The following PTPRT variants were observed in gnomAD, a reference collection of about 807,000 sequenced individuals.
PTPRT encodes protein tyrosine phosphatase receptor type T, also known as receptor-type tyrosine-protein phosphatase T.
A neutral mutation model predicts 176.8 loss-of-function variants in PTPRT; 56 were observed. That is an observed-to-expected ratio of 0.32 (90% CI 0.26 to 0.40). The LOEUF is 0.40. Ranked by LOEUF, PTPRT falls within the 10% of genes least tolerant of loss-of-function variation. The pLI, the probability that PTPRT is intolerant of heterozygous loss-of-function variation, is 1.00. For missense variants in PTPRT, 1,540 were observed against 1,908.2 expected, an observed-to-expected ratio of 0.81 and a Z score of 3.60; for synonymous variants, 783 against 739.0, an observed-to-expected ratio of 1.06 and a Z score of -0.96.
At position 42,904,715 on chromosome 20, in the gene PTPRT, C is replaced by T. The variant is rs142686096; in HGVS notation, c.89-18783G>A. 2.6e-4 allele frequency among the ~76,000 whole-genome samples: 40 copies of T among 152,234 alleles called. No homozygotes were observed. The East Asian group carries it at 7.2e-3, about 27-fold the overall frequency. On this transcript the variant is annotated intron_variant, in intron 1 of 30. Transcript: ENST00000373187. ...CCCAAGACCACCCTGGCCCACCACA[C>T]CCCCATCCTGTGCCTATAAAAACCC...
intron 7 of PTPRT, among the ~76,000 whole-genome samples, chr20:42,505,342 C>G (rs1238869480): frequency 2.6e-5 from 4 of 152,118 alleles, no homozygotes; most frequent in Admixed American, 6.6e-5. Flanking sequence ...CGCTCTGTCT[C>G]CCAGGCTGGA....
Position 42,099,563 on chromosome 20 carries a change from G to C in PTPRT, c.3715-1011C>G, listed in dbSNP as rs1270388555. On this transcript the variant is annotated intron_variant, in intron 26 of 30. Transcript: ENST00000373187. ...GGCCTGGGCGGGGGGGGGGGGGGTG[G>C]GGTGGTCTGGCAGCTTCATCCAGGG... Among the ~76,000 whole-genome samples the C allele has an allele frequency of 5.8e-3, 286 of 49,146 alleles. 3 individuals carry two copies. The highest frequency in any genetic ancestry group is 0.016 in the African/African-American group (274 of 17,646). The allele number at this position is 49,146 out of a possible 152,430, so 32.2% of individuals were successfully genotyped here.
At chr20:42,751,510 T>C (rs1316395938) in intron 6 of PTPRT, among the ~76,000 whole-genome samples, 1 of 152,166 alleles carries the variant, frequency 6.6e-6, no homozygotes, top group Non-Finnish European at 1.5e-5. Flanking sequence ...TCTGGGTGTA[T>C]CTGGGTGTTT....
chr20:42,388,411 A>G (rs1199262935), intron 9 of PTPRT, among the ~76,000 whole-genome samples: 1 of 152,224 alleles, frequency 6.6e-6, no homozygotes, highest in East Asian at 1.9e-4. Flanking sequence ...TCTACAAAGC[A>G]CTTAAACAAA....
intron 17 of PTPRT, among the ~76,000 whole-genome samples, chr20:42,144,204 G>T (rs781623135): frequency 2.0e-5 from 3 of 152,164 alleles, no homozygotes; most frequent in Admixed American, 2.0e-4. Flanking sequence ...GAAGAACTGA[G>T]GGGGGAGAGA....
chr20:42,606,809 T>C (rs1255054522), intron 7 of PTPRT: 4 of 152,162 alleles, frequency 2.6e-5, no homozygotes, highest in Non-Finnish European at 4.4e-5. Context: ...TGGAGAAGCA[T>C]TGTGTCCAGT....
At position 42,791,179 on chromosome 20, in the gene PTPRT, T is replaced by C; in HGVS notation, c.486+16A>G. The C allele has an allele frequency of 6.4e-7, 1 of 1,550,620 alleles. No homozygotes were observed. The highest frequency in any genetic ancestry group is 8.7e-7 in the Non-Finnish European group (1 of 1,150,316). On this transcript the variant is annotated intron_variant, in intron 3 of 30. Transcript: ENST00000373187. ...TTACAAATTTTCAAAAATAAAACCA[T>C]GGTAAAATGCCATACCTGATAGAAA...
intron 6 of PTPRT, among the ~76,000 whole-genome samples, chr20:42,701,901 A>G (rs1448731375): frequency 6.6e-6 from 1 of 152,136 alleles, no homozygotes. Context: ...GTTTCTGCCC[A>G]TTTTACAGAT....
intron 1 of PTPRT, among the ~76,000 whole-genome samples, chr20:42,893,231 G>A (rs545632694): frequency 1.2e-4 from 19 of 152,272 alleles, no homozygotes; most frequent in East Asian, 3.9e-4. Flanking sequence ...AAAAGAAGAC[G>A]TTTATGCAGC....
At chr20:42,118,579 C>G (rs1987416955) in intron 20 of PTPRT, 79 bp from the exon 21 acceptor site, 9 of 1,170,648 alleles carry the variant, frequency 7.7e-6, no homozygotes, top group Non-Finnish European at 1.1e-5. Flanking sequence ...CCCGGTTGGT[C>G]AAGTCTCCAC....
intron 2 of PTPRT, among the ~76,000 whole-genome samples, chr20:42,869,967 T>C (rs942125755): frequency 2.0e-5 from 3 of 152,280 alleles, no homozygotes. Context: ...TGTGACAGCA[T>C]AGCATTCAAG....
chr20:42,262,366 C>T (rs1215843587), intron 13 of PTPRT, among the ~76,000 whole-genome samples: 1 of 152,140 alleles, frequency 6.6e-6, no homozygotes, highest in Non-Finnish European at 1.5e-5. Flanking sequence ...CCTATGACTG[C>T]CCACGATTCC....
rs55796612 is a variant in PTPRT, at chr20:42,662,792, G to A, written c.1153+15074C>T. Reference sequence around the variant, plus strand: ...GCATCTCAGGGCTTAGCAAATTTGGGACTGTTTCTGTACTGTCCAAAAATG... The same window carrying A: ...GCATCTCAGGGCTTAGCAAATTTGGAACTGTTTCTGTACTGTCCAAAAATG... On this transcript the variant is annotated intron_variant, in intron 7 of 30. Coordinates refer to ENST00000373187, the MANE Select transcript of PTPRT (RefSeq NM_007050.6). 4.1e-3 allele frequency among the ~76,000 whole-genome samples: 618 copies of A among 151,686 alleles called. 6 individuals carry two copies. Among genetic ancestry groups the A allele is most frequent in the African/African-American group, 0.014 (588 of 41,342 alleles).
intron 1 of PTPRT, among the ~76,000 whole-genome samples, chr20:43,145,308 T>C (rs2014138166): frequency 6.6e-6 from 1 of 152,246 alleles, no homozygotes; most frequent in Non-Finnish European, 1.5e-5. Flanking sequence ...AGGTTTCCTA[T>C]ATGTGTAATC....
chr20:43,155,799 A>G (rs1280935090), intron 1 of PTPRT, among the ~76,000 whole-genome samples: 2 of 152,138 alleles, frequency 1.3e-5, no homozygotes. Context: ...AAAACATACA[A>G]TTTTTTCTGT....
intron 9 of PTPRT, among the ~76,000 whole-genome samples, chr20:42,405,500 T>C (rs991648481): frequency 2.7e-4 from 41 of 152,210 alleles, no homozygotes; most frequent in African/African-American, 9.6e-4. Flanking sequence ...GCTTCATCCA[T>C]GTCCCTACAA....
chr20:42,099,798 A>G (rs1411151117), intron 26 of PTPRT, among the ~76,000 whole-genome samples: 2 of 145,618 alleles, frequency 1.4e-5, no homozygotes, highest in East Asian at 4.0e-4. Flanking sequence ...GCAAACATGG[A>G]TATCATGCGT....
chr20:42,128,382 A>T (rs1987961695), intron 19 of PTPRT, among the ~76,000 whole-genome samples: 2 of 152,088 alleles, frequency 1.3e-5, no homozygotes, highest in African/African-American at 4.8e-5. Context: ...CCATGGTATT[A>T]TTAGCATTAT....
chr20:42,821,667 A>G (rs2077896611), intron 2 of PTPRT, among the ~76,000 whole-genome samples: 1 of 152,100 alleles, frequency 6.6e-6, no homozygotes, highest in South Asian at 2.1e-4. Flanking sequence ...AAACCCCACC[A>G]TCTCAGCCAC....
Sources: gnomAD v4.1 joint callset for allele counts (sites outside exome capture counted in the v4.1 genomes callset) on GRCh38, gnomAD v4.1.1 for gene constraint, MANE v1.5 for transcripts, NCBI Gene and HGNC (gene_info 2026-07-23, HGNC 2026-07-21) for gene names.